SMYD3: variants seen among roughly 807,000 people sequenced by gnomAD.
SMYD3 encodes SET and MYND domain containing 3.
SMYD3 carries 36 observed loss-of-function variants against 57.7 expected under a neutral mutation model. That is an observed-to-expected ratio of 0.62 (90% CI 0.48 to 0.82). The LOEUF is 0.82. SMYD3 is among the 40% of genes least tolerant of loss of function. The pLI is 0.00. For missense variants in SMYD3, 515 were observed against 538.8 expected, an observed-to-expected ratio of 0.96 and a Z score of 0.44; for synonymous variants, 211 against 195.0, an observed-to-expected ratio of 1.08 and a Z score of -0.68.
chr1:246,446,114 T>A (rs894371493), intron 1 of SMYD3, among the ~76,000 whole-genome samples: 1 of 152,178 alleles, frequency 6.6e-6, no homozygotes, highest in Non-Finnish European at 1.5e-5. Context: ...TGTAAACATA[T>A]CAATTGCCTC....
intron 1 of SMYD3, among the ~76,000 whole-genome samples, chr1:246,401,306 G>GCT (rs1455017082): frequency 6.6e-6 from 1 of 152,104 alleles, no homozygotes; most frequent in African/African-American, 2.4e-5. Context: ...AGACCAGCCT[G>GCT]GGCAACACAG....
At chr1:246,411,022 T>TTTG (rs4040218) in intron 1 of SMYD3, among the ~76,000 whole-genome samples, 149,979 of 151,274 alleles carry the variant, frequency 0.99, 74,359 homozygotes, top group East Asian at 1. Context: ...TGATATCCCC[T>TTTG]TTATTTTTTA....
intron 5 of SMYD3, among the ~76,000 whole-genome samples, chr1:246,248,484 A>G (rs1488440200): frequency 6.6e-6 from 1 of 152,032 alleles, no homozygotes; most frequent in Non-Finnish European, 1.5e-5. Context: ...ATTACCGGTC[A>G]GTATGTAAGT....
At chr1:246,289,404 G>C (rs1053548497) in intron 5 of SMYD3, among the ~76,000 whole-genome samples, 4 of 152,318 alleles carry the variant, frequency 2.6e-5, no homozygotes, top group South Asian at 4.1e-4. Context: ...AACGTCACCA[G>C]TTTTGTCTCC....
intron 6 of SMYD3, among the ~76,000 whole-genome samples, chr1:245,929,250 A>G (rs1012546645): frequency 2.0e-4 from 31 of 152,234 alleles, no homozygotes; most frequent in African/African-American, 7.5e-4. Flanking sequence ...AGAAATAAGA[A>G]AAAAGGCTGA....
intron 10 of SMYD3, among the ~76,000 whole-genome samples, chr1:245,785,229 T>TACATTAC (rs1425417440): frequency 2.0e-5 from 3 of 151,966 alleles, no homozygotes; most frequent in Non-Finnish European, 4.4e-5. Context: ...TTACGGAGAA[T>TACATTAC]GTGGAGGAGG....
chr1:246,037,591 G>A (rs560459905), intron 5 of SMYD3, among the ~76,000 whole-genome samples: 11 of 152,260 alleles, frequency 7.2e-5, no homozygotes, highest in Admixed American at 2.0e-4. Flanking sequence ...TTCCTGCTCC[G>A]GCAATGCCGT....
At chr1:245,834,414 TATCAGAGCTGCCTGCTC>T (rs1397047510) in intron 10 of SMYD3, among the ~76,000 whole-genome samples, 2 of 152,134 alleles carry the variant, frequency 1.3e-5, no homozygotes, top group Non-Finnish European at 2.9e-5. Context: ...TCCAAAATCG[TATCAGAGCTGCCTGCTC>T]ATTGGACCAC....
chr1:246,251,161 A>G (rs1362421873), intron 5 of SMYD3, among the ~76,000 whole-genome samples: 3 of 152,220 alleles, frequency 2.0e-5, no homozygotes, highest in Admixed American at 6.5e-5. Context: ...TGACTGGGTG[A>G]AAAAGTCCAT....
intron 5 of SMYD3, among the ~76,000 whole-genome samples, chr1:246,245,320 G>A (rs12142735): frequency 0.21 from 31,420 of 151,810 alleles, 3,934 homozygotes; most frequent in East Asian, 0.58. Context: ...GCACATGCCT[G>A]TAATCCCAGC....
Position 246,335,406 on chromosome 1 carries a change from T to C in SMYD3, c.297A>G (p.Pro99=). 3 of 1,614,150 alleles carry C rather than the reference T, an allele frequency of 1.9e-6. No homozygotes were observed. The highest frequency in any genetic ancestry group is 1.1e-5 in the South Asian group (1 of 91,084). The change falls in exon 3 of 12, where the codon CCA becomes CCG. Residue 99 remains proline (P), a synonymous_variant. Coordinates refer to ENST00000490107, the MANE Select transcript of SMYD3 (RefSeq NM_001167740.2). The part of the protein sequence containing the change: ...CLKSCKPRYP[P]DSVRLLGRVV... ...CTCTGCCAAGAAGTCGAACGGAGTC[T>C]GGAGGATATCTGGGTTTGCAGCTTT...
At chr1:246,219,241 C>G (rs1311168281) in intron 5 of SMYD3, among the ~76,000 whole-genome samples, 1 of 152,070 alleles carries the variant, frequency 6.6e-6, no homozygotes, top group East Asian at 1.9e-4. Flanking sequence ...TATCCCACCC[C>G]ACCCTGTGCC....
At chr1:246,363,279 C>T (rs1370444964) in intron 1 of SMYD3, among the ~76,000 whole-genome samples, 2 of 151,912 alleles carry the variant, frequency 1.3e-5, no homozygotes, top group African/African-American at 4.8e-5. Context: ...GGCCAGCCGC[C>T]CCGTCCGGGA....
At chr1:245,795,051 A>C (rs970151067) in intron 10 of SMYD3, among the ~76,000 whole-genome samples, 4 of 152,082 alleles carry the variant, frequency 2.6e-5, no homozygotes, top group African/African-American at 9.7e-5. Context: ...TGTTCATTTC[A>C]GTGGCAGGTT....
intron 5 of SMYD3, among the ~76,000 whole-genome samples, chr1:246,094,994 C>T (rs945691236): frequency 5.3e-5 from 8 of 152,104 alleles, no homozygotes; most frequent in Admixed American, 2.6e-4. Flanking sequence ...TCTGCCCCTC[C>T]CAGTGACGTC....
At chr1:246,430,083 T>C (rs2103008038) in intron 1 of SMYD3, among the ~76,000 whole-genome samples, 1 of 86,680 alleles carries the variant, frequency 1.2e-5, no homozygotes, top group South Asian at 5.1e-4. Flanking sequence ...TAAATAATCA[T>C]ACGAGAAACG....
intron 1 of SMYD3, among the ~76,000 whole-genome samples, chr1:246,498,929 C>A (rs149834021): frequency 7.3e-4 from 111 of 151,558 alleles, no homozygotes; most frequent in African/African-American, 2.6e-3. Context: ...ACTGTGATTA[C>A]AAGGGTGCAC....
intron 5 of SMYD3, among the ~76,000 whole-genome samples, chr1:246,095,869 T>C (rs2060904370): frequency 6.6e-6 from 1 of 152,078 alleles, no homozygotes; most frequent in Non-Finnish European, 1.5e-5. Flanking sequence ...GGCAAGACCC[T>C]GTGTCAAAAA....
intron 1 of SMYD3, among the ~76,000 whole-genome samples, chr1:246,470,628 C>CTA (rs927754931): frequency 2.0e-5 from 3 of 149,160 alleles, no homozygotes; most frequent in African/African-American, 7.4e-5. Context: ...TATATACACA[C>CTA]TATATATATA....
Sources: gnomAD v4.1 joint callset for allele counts (sites outside exome capture counted in the v4.1 genomes callset) on GRCh38, gnomAD v4.1.1 for gene constraint, MANE v1.5 for transcripts, NCBI Gene and HGNC (gene_info 2026-07-23, HGNC 2026-07-21) for gene names.